The following MTMR7 variants were observed in gnomAD, a reference collection of about 807,000 sequenced individuals.
The protein encoded by MTMR7 is phosphatidylinositol-3-phosphate phosphatase MTMR7.
Under a neutral mutation model 81.2 loss-of-function variants are expected in MTMR7, and 76 were observed. The observed-to-expected ratio is 0.94, with a 90% CI of 0.78 to 1.13. MTMR7 has a LOEUF of 1.13. MTMR7 is among the 50% of genes most tolerant of loss of function. The pLI is 0.00. For missense variants in MTMR7, 1,044 were observed against 820.0 expected (o/e 1.27, Z -3.34); for synonymous variants, 372 against 289.8 (o/e 1.28, Z -2.88).
chr8:17,380,650 G>A (rs962694429), intron 1 of MTMR7, among the ~76,000 whole-genome samples: 2 of 151,810 alleles, frequency 1.3e-5, no homozygotes, highest in Non-Finnish European at 2.9e-5. Flanking sequence ...CAAATTCAAA[G>A]GGCAGGACAC....
intron 7 of MTMR7, among the ~76,000 whole-genome samples, chr8:17,316,234 C>T (rs1158496759): frequency 6.6e-6 from 1 of 151,520 alleles, no homozygotes; most frequent in Non-Finnish European, 1.5e-5. Context: ...TTATGTTAGC[C>T]CTTATTACTA....
Position 17,297,900 on chromosome 8 carries a change from A to T in MTMR7, c.*1962T>A, listed in dbSNP as rs1027402030. On this transcript the variant is annotated 3_prime_UTR_variant, in exon 14 of 14. Coordinates refer to ENST00000180173, the MANE Select transcript of MTMR7 (RefSeq NM_004686.5). ...AAATTATAATGTCTGTCTTGTAAAA[A>T]AGTTGAGGGGACTAAAAGTTTATGA... 7.2e-5 allele frequency: 11 copies of T among 152,074 alleles called. No homozygotes were observed. Among genetic ancestry groups the T allele is most frequent in the African/African-American group, 2.7e-4 (11 of 41,452 alleles). The allele number at this position is 152,074 out of a possible 1,614,324, so 9.4% of individuals were successfully genotyped here.
intron 3 of MTMR7, among the ~76,000 whole-genome samples, chr8:17,367,452 G>C (rs1820263400): frequency 6.6e-6 from 1 of 152,124 alleles, no homozygotes; most frequent in Non-Finnish European, 1.5e-5. Flanking sequence ...TAATACATTA[G>C]ATCTACAAGG....
chr8:17,407,150 C>T (rs775957248), intron 1 of MTMR7, among the ~76,000 whole-genome samples: 2 of 151,816 alleles, frequency 1.3e-5, no homozygotes, highest in Non-Finnish European at 2.9e-5. Flanking sequence ...GAAATACACA[C>T]ACTATACACA....
At chr8:17,378,224 G>C (rs1198426315) in intron 1 of MTMR7, among the ~76,000 whole-genome samples, 1 of 152,044 alleles carries the variant, frequency 6.6e-6, no homozygotes, top group African/African-American at 2.4e-5. Context: ...AAGATACAGA[G>C]AGGGAAAAAA....
At chr8:17,392,864 T>C (rs1209024309) in intron 1 of MTMR7, among the ~76,000 whole-genome samples, 1 of 152,222 alleles carries the variant, frequency 6.6e-6, no homozygotes, top group Non-Finnish European at 1.5e-5. Flanking sequence ...GGAAGTTCTT[T>C]CAGCATACAA....
At chr8:17,356,935 T>C (rs1266583776) in intron 4 of MTMR7, among the ~76,000 whole-genome samples, 1 of 152,128 alleles carries the variant, frequency 6.6e-6, no homozygotes, top group Non-Finnish European at 1.5e-5. Flanking sequence ...TTTTCCAGAA[T>C]TTAGTAAAGC....
intron 4 of MTMR7, among the ~76,000 whole-genome samples, chr8:17,353,760 T>C (rs1819803193): frequency 6.6e-6 from 1 of 152,230 alleles, no homozygotes; most frequent in East Asian, 1.9e-4. Flanking sequence ...TTGCCATTTT[T>C]TAAAATGAAT....
chr8:17,321,995 G>A (rs934352656), intron 7 of MTMR7, among the ~76,000 whole-genome samples: 7 of 151,116 alleles, frequency 4.6e-5, no homozygotes, highest in African/African-American at 1.7e-4. Flanking sequence ...CTATGCAATT[G>A]CTGGTGGGGT....
intron 1 of MTMR7, among the ~76,000 whole-genome samples, chr8:17,375,221 G>C (rs1820545638): frequency 6.6e-6 from 1 of 152,078 alleles, no homozygotes; most frequent in African/African-American, 2.4e-5. Flanking sequence ...GAGCAAACAG[G>C]ACCCAAGACC....
intron 6 of MTMR7, among the ~76,000 whole-genome samples, chr8:17,333,100 A>T (rs1001550562): frequency 6.6e-6 from 1 of 152,146 alleles, no homozygotes. Context: ...TCACATTTCA[A>T]TAGCAGCCCT....
At chr8:17,340,009 T>C (rs1327275444) in intron 6 of MTMR7, among the ~76,000 whole-genome samples, 1 of 152,234 alleles carries the variant, frequency 6.6e-6, no homozygotes, top group African/African-American at 2.4e-5. Context: ...TGGAGTGCAA[T>C]GGCACGATCT....
chr8:17,383,311 A>T (rs1378886880), intron 1 of MTMR7, among the ~76,000 whole-genome samples: 1 of 152,130 alleles, frequency 6.6e-6, no homozygotes, highest in Admixed American at 6.5e-5. Flanking sequence ...CCTCAAGCAG[A>T]GGGAGCAAGA....
chr8:17,397,448 C>A (rs988284843), intron 1 of MTMR7, among the ~76,000 whole-genome samples: 3 of 152,068 alleles, frequency 2.0e-5, no homozygotes, highest in African/African-American at 7.2e-5. Context: ...ACCCCATGGA[C>A]CAGTGGTAGT....
chr8:17,404,318 G>A (rs1420112057), intron 1 of MTMR7, among the ~76,000 whole-genome samples: 2 of 152,130 alleles, frequency 1.3e-5, no homozygotes, highest in African/African-American at 2.4e-5. Flanking sequence ...CTGGAACGGT[G>A]GATCGCCGAG....
Position 17,311,561 on chromosome 8 carries a change from C to G in MTMR7, c.1051G>C (p.Val351Leu). Reference sequence around the variant, plus strand: ...TGAGGGTCCAGCAGCAGGCTTGCCACCGAGCACACCTGAGCGGTCCTGTCC... The same window carrying G: ...TGAGGGTCCAGCAGCAGGCTTGCCAGCGAGCACACCTGAGCGGTCCTGTCC... ...GWDRTAQVCS[V>L]ASLLLDPHYR... Residue 351 changes from valine (V) to leucine (L), a missense_variant, in exon 9 of 14, where the codon GTG (valine) becomes CTG (leucine). By Grantham distance (32) the Val-to-Leu change is conservative (BLOSUM62 1). Transcript: ENST00000180173. 1.2e-6 allele frequency: 2 copies of G among 1,614,118 alleles called. No individual in the cohort carries two copies. Among genetic ancestry groups the G allele is most frequent in the Non-Finnish European group, 1.7e-6 (2 of 1,180,002 alleles).
At chr8:17,304,356 A>G in intron 12 of MTMR7, 23 bp downstream of exon 12, 2 of 1,604,772 alleles carry the variant, frequency 1.2e-6, no homozygotes, top group Non-Finnish European at 1.7e-6. Flanking sequence ...CCATGGCTAC[A>G]AAGTTACCAA....
chr8:17,308,685 G>C (rs1054480047), intron 10 of MTMR7, among the ~76,000 whole-genome samples: 4 of 152,132 alleles, frequency 2.6e-5, no homozygotes, highest in African/African-American at 7.2e-5. Context: ...ACTGACAAAA[G>C]GAGGCTGGTG....
intron 5 of MTMR7, among the ~76,000 whole-genome samples, chr8:17,346,498 T>G (rs1404414449): frequency 6.6e-6 from 1 of 152,080 alleles, no homozygotes; most frequent in African/African-American, 2.4e-5. Context: ...AAAATAGCAC[T>G]TGGGGGAGCA....
Sources: allele counts gnomAD v4.1 joint callset (sites outside exome capture counted in the v4.1 genomes callset), GRCh38; gene constraint gnomAD v4.1.1; transcripts MANE v1.5; gene names NCBI Gene and HGNC (gene_info 2026-07-23, HGNC 2026-07-21).